The following CNTNAP4 variants were observed in gnomAD, a reference collection of about 807,000 sequenced individuals.
CNTNAP4 encodes contactin associated protein family member 4, also known as contactin-associated protein-like 4.
Under a neutral mutation model 148.4 loss-of-function variants are expected in CNTNAP4, and 98 were observed. The ratio of observed to expected loss-of-function variants is 0.66; its 90% confidence interval spans 0.56 to 0.78. The LOEUF (loss-of-function observed/expected upper bound fraction) is 0.78. Ranked by LOEUF, CNTNAP4 falls within the 30% of genes least tolerant of loss-of-function variation. CNTNAP4 has a pLI of 0.00. For synonymous variants in CNTNAP4, 730 were observed against 565.1 expected, an observed-to-expected ratio of 1.29 and a Z score of -4.14; for missense variants, 1,935 against 1,565.6, an observed-to-expected ratio of 1.24 and a Z score of -3.98.
intron 3 of CNTNAP4, among the ~76,000 whole-genome samples, chr16:76,416,966 C>G (rs996503630): frequency 6.6e-6 from 1 of 151,410 alleles, no homozygotes; most frequent in Non-Finnish European, 1.5e-5. Flanking sequence ...ATGTTTCTTG[C>G]TATCCCAAGT....
intron 3 of CNTNAP4, among the ~76,000 whole-genome samples, chr16:76,376,907 TTGTGTGTG>T (rs5817987): frequency 2.4e-3 from 350 of 143,540 alleles, no homozygotes; most frequent in African/African-American, 6.8e-3. Context: ...CTAACAAGGT[TTGTGTGTG>T]TGTGTGTGTG....
chr16:76,451,934 C>G (rs2080499015), intron 7 of CNTNAP4, among the ~76,000 whole-genome samples: 1 of 152,052 alleles, frequency 6.6e-6, no homozygotes, highest in African/African-American at 2.4e-5. Context: ...TGATGGACAT[C>G]CCAATTATCC....
intron 15 of CNTNAP4, among the ~76,000 whole-genome samples, chr16:76,514,486 T>C (rs1316035022): frequency 1.3e-5 from 2 of 152,246 alleles, no homozygotes; most frequent in African/African-American, 4.8e-5. Context: ...GTTTGTAAGA[T>C]CTTTTGATTA....
At chr16:76,525,382 G>T (rs2083672963) in intron 17 of CNTNAP4, among the ~76,000 whole-genome samples, 1 of 150,380 alleles carries the variant, frequency 6.6e-6, no homozygotes, top group South Asian at 2.1e-4. Context: ...TTCAGTGGAA[G>T]AGAAGAGACA....
chr16:76,516,365 C>T (rs2083255245), intron 15 of CNTNAP4, among the ~76,000 whole-genome samples: 2 of 152,236 alleles, frequency 1.3e-5, no homozygotes, highest in East Asian at 1.9e-4. Context: ...GGGTGGGTTC[C>T]AAGTCTTTGC....
intron 2 of CNTNAP4, among the ~76,000 whole-genome samples, chr16:76,340,871 C>T (rs1286439330): frequency 6.6e-6 from 1 of 152,194 alleles, no homozygotes; most frequent in Non-Finnish European, 1.5e-5. Context: ...CAGCAATGTA[C>T]TCCTTAGAAT....
chr16:76,495,376 T>C lies in CNTNAP4; in HGVS notation c.2237+310T>C, dbSNP rs567151936. Among the ~76,000 whole-genome samples the C allele has an allele frequency of 7.2e-5, 11 of 152,210 alleles. No homozygotes were observed. In the South Asian group the frequency reaches 1.2e-3, roughly 17 times the overall value. ...ATATATAAGTAGATATTCTATTATCTTAAAAATATGTTTACAGCCAAAGCA... is the reference window on the plus strand; with the variant it reads ...ATATATAAGTAGATATTCTATTATCCTAAAAATATGTTTACAGCCAAAGCA... On this transcript the variant is annotated intron_variant, in intron 14 of 23. Transcript: ENST00000611870.
intron 1 of CNTNAP4, among the ~76,000 whole-genome samples, chr16:76,297,118 AT>A (rs1959393205): frequency 6.6e-6 from 1 of 152,198 alleles, no homozygotes; most frequent in Admixed American, 6.5e-5. Flanking sequence ...GTGTTTTAGC[AT>A]TTTGGACATC....
At chr16:76,485,308 G>T (rs1176176972) in intron 12 of CNTNAP4, among the ~76,000 whole-genome samples, 5 of 151,610 alleles carry the variant, frequency 3.3e-5, no homozygotes, top group African/African-American at 1.2e-4. Flanking sequence ...GTAGAGATGG[G>T]GTTTCTCCAT....
intron 1 of CNTNAP4, among the ~76,000 whole-genome samples, chr16:76,300,377 AACATC>A (rs1959826813): frequency 6.6e-6 from 1 of 152,092 alleles, no homozygotes; most frequent in Admixed American, 6.6e-5. Context: ...CAGGGAGGGG[AACATC>A]ACACACCAGG....
At chr16:76,553,213 C>A in intron 21 of CNTNAP4, 70 bp from the exon 22 acceptor site, 1 of 899,834 alleles carries the variant, frequency 1.1e-6, no homozygotes. Context: ...GCTCAGAATC[C>A]TCAATTTCTG....
intron 3 of CNTNAP4, among the ~76,000 whole-genome samples, chr16:76,407,713 C>T (rs1389863451): frequency 6.6e-6 from 1 of 152,086 alleles, no homozygotes; most frequent in Non-Finnish European, 1.5e-5. Context: ...GAGATGGAAT[C>T]TACTCCTGGT....
intron 3 of CNTNAP4, among the ~76,000 whole-genome samples, chr16:76,392,051 C>T (rs1398364855): frequency 1.3e-5 from 2 of 152,142 alleles, no homozygotes; most frequent in African/African-American, 4.8e-5. Context: ...AGTGAAGTGG[C>T]ACAATCTCGG....
At chr16:76,501,946 G>T (rs2082664840) in intron 15 of CNTNAP4, among the ~76,000 whole-genome samples, 1 of 151,410 alleles carries the variant, frequency 6.6e-6, no homozygotes, top group Non-Finnish European at 1.5e-5. Flanking sequence ...GCGGGCGCCT[G>T]TAGTCCCAGC....
At position 76,559,637 on chromosome 16, in the gene CNTNAP4, G is replaced by C. The variant is rs2085341289; in HGVS notation, c.*954G>C. On this transcript the variant is annotated 3_prime_UTR_variant, in exon 24 of 24. Transcript: ENST00000611870. ...CCAAACCTAGATCAGTCCTTTATTG[G>C]TTTACATTTCTGTTTTTCTGAAGTT... Among the ~76,000 whole-genome samples, 1 of 151,902 alleles carries C rather than the reference G, an allele frequency of 6.6e-6. No homozygotes were observed. The highest frequency in any genetic ancestry group is 6.6e-5 in the Admixed American group (1 of 15,252).
At chr16:76,410,450 C>T (rs1324565600) in intron 3 of CNTNAP4, among the ~76,000 whole-genome samples, 2 of 151,582 alleles carry the variant, frequency 1.3e-5, no homozygotes, top group African/African-American at 4.8e-5. Flanking sequence ...GAGCCATTTA[C>T]TGGTTGGTTT....
rs2080549524 is a variant in CNTNAP4, at chr16:76,452,629, T to A, written c.1193T>A (p.Phe398Tyr). 6.2e-7 allele frequency: 1 copy of A among 1,613,836 alleles called. No homozygotes were observed. Among genetic ancestry groups the A allele is most frequent in the Admixed American group, 1.7e-5 (1 of 60,000 alleles). ...GEEEVSATFQFRTWNKAGLLL... is the reference protein window; with the variant it reads ...GEEEVSATFQYRTWNKAGLLL... ...GAGGAGGTTTCTGCCACTTTTCAAT[T>A]TCGAACTTGGAATAAGGCAGGGCTT... Residue 398 changes from phenylalanine (F) to tyrosine (Y), a missense_variant, in exon 8 of 24, where the codon TTT becomes TAT. By Grantham distance (22) the Phe-to-Tyr change is conservative. Coordinates refer to ENST00000611870, the MANE Select transcript of CNTNAP4 (RefSeq NM_033401.5).
chr16:76,524,448 G>A (rs1597058253), intron 17 of CNTNAP4, among the ~76,000 whole-genome samples: 1 of 152,244 alleles, frequency 6.6e-6, no homozygotes, highest in East Asian at 1.9e-4. Flanking sequence ...GGCTGAAATA[G>A]TCCTCAAATT....
At chr16:76,282,489 C>G (rs1958725160) in intron 1 of CNTNAP4, among the ~76,000 whole-genome samples, 1 of 151,862 alleles carries the variant, frequency 6.6e-6, no homozygotes, top group Non-Finnish European at 1.5e-5. Context: ...CTATCTTAAT[C>G]AGCAACTTAC....
Sources: allele counts gnomAD v4.1 joint callset (sites outside exome capture counted in the v4.1 genomes callset), GRCh38; gene constraint gnomAD v4.1.1; transcripts MANE v1.5; gene names NCBI Gene and HGNC (gene_info 2026-07-23, HGNC 2026-07-21).